The following RPN2 variants were observed in gnomAD, a reference collection of about 807,000 sequenced individuals.
RPN2 encodes the protein ribophorin II, also known as dolichyl-diphosphooligosaccharide--protein glycosyltransferase subunit 2.
A neutral mutation model predicts 71.4 loss-of-function variants in RPN2; 29 were observed. The ratio of observed to expected loss-of-function variants is 0.41; its 90% CI spans 0.30 to 0.55. The LOEUF (loss-of-function observed/expected upper bound fraction) is 0.55, where lower values mean the gene tolerates loss of function less well. Among genes scored for constraint, RPN2 ranks in the 20% least tolerant of loss-of-function variants. The pLI, the probability that RPN2 is intolerant of heterozygous loss-of-function variation, is 0.35. For synonymous variants in RPN2, 308 were observed against 305.0 expected (o/e 1.01, Z -0.10); for missense variants, 726 against 774.1 (o/e 0.94, Z 0.74).
chr20:37,213,592 TA>T (rs376006004), intron 8 of RPN2, among the ~76,000 whole-genome samples, 167 bp from the exon 9 acceptor site: 7 of 147,546 alleles, frequency 4.7e-5, no homozygotes, highest in East Asian at 2.0e-4. Flanking sequence ...TGTCTCAAAA[TA>T]AAAAAAAAAT....
At chr20:37,187,035 A>T (rs561891741) in intron 2 of RPN2, among the ~76,000 whole-genome samples, 7 of 152,322 alleles carry the variant, frequency 4.6e-5, no homozygotes, top group Non-Finnish European at 1.0e-4. Context: ...ATATCTGGTT[A>T]TTTCACTTTT....
chr20:37,192,130 C>T (rs2067154818), intron 2 of RPN2, among the ~76,000 whole-genome samples: 1 of 152,096 alleles, frequency 6.6e-6, no homozygotes, highest in East Asian at 1.9e-4. Context: ...TAAAAAAATG[C>T]CTCCCTTATA....
At chr20:37,222,130 G>A (rs2067973577) in intron 9 of RPN2, among the ~76,000 whole-genome samples, 1 of 152,180 alleles carries the variant, frequency 6.6e-6, no homozygotes, top group Non-Finnish European at 1.5e-5. Context: ...GCTTGCTCTG[G>A]TTCTGAGCCT....
At chr20:37,179,573 C>T (rs1316395984) in intron 1 of RPN2, 1 of 1,325,620 alleles carries the variant, frequency 7.5e-7, no homozygotes, top group Non-Finnish European at 9.8e-7. Flanking sequence ...GGGGTTGGTG[C>T]CTGGGGGAGG....
chr20:37,195,309 C>T (rs1302953434), intron 2 of RPN2, among the ~76,000 whole-genome samples: 1 of 152,174 alleles, frequency 6.6e-6, no homozygotes, highest in African/African-American at 2.4e-5. Context: ...GGCTTTGAAG[C>T]CACTGAACGC....
At chr20:37,209,208 C>T (rs1372416000) in intron 7 of RPN2, among the ~76,000 whole-genome samples, 2 of 152,198 alleles carry the variant, frequency 1.3e-5, no homozygotes, top group Non-Finnish European at 2.9e-5. Context: ...TGTAAAGGGC[C>T]TAGCCTGGTA....
At chr20:37,204,718 A>ATTTCTGCTG in intron 5 of RPN2, 49 bp from the exon 6 acceptor site, 1 of 1,612,270 alleles carries the variant, frequency 6.2e-7, no homozygotes, top group Non-Finnish European at 8.5e-7. Context: ...CGTGCATCTC[A>ATTTCTGCTG]TTTCTGCTGT....
chr20:37,180,314 G>A (rs998819935), intron 1 of RPN2, among the ~76,000 whole-genome samples: 1 of 152,200 alleles, frequency 6.6e-6, no homozygotes, highest in Admixed American at 6.5e-5. Context: ...TCAGTGATGT[G>A]TCCTAGGGCA....
At chr20:37,233,445 C>T (rs536497597) in intron 14 of RPN2, among the ~76,000 whole-genome samples, 1 of 152,192 alleles carries the variant, frequency 6.6e-6, no homozygotes, top group African/African-American at 2.4e-5. Context: ...TTAGATCTTA[C>T]TTTTGGAAAG....
chr20:37,199,204 G>C lies in RPN2; in HGVS notation c.458G>C (p.Ser153Thr). ...CTCAGTGCCCTTACTGCTCGTCTCAGCAAGGAGGAGACTGTGCTGGCGTGA... is the reference window on the plus strand; with the variant it reads ...CTCAGTGCCCTTACTGCTCGTCTCACCAAGGAGGAGACTGTGCTGGCGTGA... ...EALSALTARL[S>T]KEETVLATVQ... The change falls in exon 4 of 17, where the codon AGC (serine) becomes ACC (threonine). Residue 153 changes from serine to threonine, a missense_variant. Physicochemically the swap from Ser to Thr is moderately conservative, Grantham distance 58. Coordinates refer to ENST00000237530, the MANE Select transcript of RPN2 (RefSeq NM_002951.5). The C allele has an allele frequency of 6.2e-7, 1 of 1,614,034 alleles. No homozygotes were observed. The highest frequency in any genetic ancestry group is 1.1e-5 in the South Asian group (1 of 91,074).
chr20:37,193,411 T>A (rs1482602899), intron 2 of RPN2, among the ~76,000 whole-genome samples: 1 of 151,874 alleles, frequency 6.6e-6, no homozygotes, highest in South Asian at 2.1e-4. Context: ...ACATTTGAGA[T>A]TGAAAGGAGG....
intron 13 of RPN2, among the ~76,000 whole-genome samples, chr20:37,231,470 G>A (rs1252392817): frequency 2.0e-5 from 3 of 152,122 alleles, no homozygotes; most frequent in African/African-American, 2.4e-5. Flanking sequence ...TGGCTCACGC[G>A]AATCTTGCTT....
intron 13 of RPN2, among the ~76,000 whole-genome samples, chr20:37,231,410 T>G (rs1396956668): frequency 1.3e-5 from 2 of 151,966 alleles, no homozygotes; most frequent in African/African-American, 4.8e-5. Flanking sequence ...TCAGAATGCT[T>G]GTCGAGCCTT....
chr20:37,204,550 C>T lies in RPN2; in HGVS notation c.556-217C>T, dbSNP rs79909672. 8.5e-3 allele frequency among the ~76,000 whole-genome samples: 1,293 copies of T among 152,246 alleles called. 20 individuals are homozygous for T. The highest frequency in any genetic ancestry group is 0.029 in the African/African-American group (1,190 of 41,536). On this transcript the variant is annotated intron_variant, in intron 5 of 16. Coordinates refer to ENST00000237530, the MANE Select transcript of RPN2 (RefSeq NM_002951.5). ...ACAAGGGGCCAAGGAAGGAGCCCTCCCAAAACTGCAGAAGATAGTGCTCTC... is the reference window on the plus strand; with the variant it reads ...ACAAGGGGCCAAGGAAGGAGCCCTCTCAAAACTGCAGAAGATAGTGCTCTC...
chr20:37,219,824 G>A (rs1279589985), intron 9 of RPN2, among the ~76,000 whole-genome samples: 2 of 152,198 alleles, frequency 1.3e-5, no homozygotes, highest in South Asian at 2.1e-4. Flanking sequence ...TTTCCCTAAC[G>A]AATTGCCTTG....
At chr20:37,238,718 C>T (rs1023735965) in intron 16 of RPN2, 6 of 701,630 alleles carry the variant, frequency 8.6e-6, no homozygotes, top group Middle Eastern at 2.4e-4. Flanking sequence ...CTTCATTCTC[C>T]CTTATATCCC....
chr20:37,198,937 C>T (rs1161390610), intron 3 of RPN2, 113 bp from the exon 4 acceptor site: 2 of 848,828 alleles, frequency 2.4e-6, no homozygotes, highest in Non-Finnish European at 4.0e-6. Context: ...GGGGGATGAG[C>T]ATGTGCGAGG....
At chr20:37,226,264 G>T (rs1022364589) in intron 11 of RPN2, among the ~76,000 whole-genome samples, 1 of 152,070 alleles carries the variant, frequency 6.6e-6, no homozygotes, top group Non-Finnish European at 1.5e-5. Flanking sequence ...GCAGAGACAG[G>T]GTTTCACCAT....
At chr20:37,226,533 T>G (rs756493210) in intron 11 of RPN2, among the ~76,000 whole-genome samples, 11 of 152,190 alleles carry the variant, frequency 7.2e-5, no homozygotes, top group Non-Finnish European at 1.3e-4. Context: ...TATGTATGTA[T>G]GTATAAATAA....
Sources: gnomAD v4.1 joint callset for allele counts (sites outside exome capture counted in the v4.1 genomes callset) on GRCh38, gnomAD v4.1.1 for gene constraint, MANE v1.5 for transcripts, NCBI Gene and HGNC (gene_info 2026-07-23, HGNC 2026-07-21) for gene names.